RAP1GAP2: variants seen among roughly 807,000 people sequenced by gnomAD.
The protein encoded by RAP1GAP2 is RAP1 GTPase activating protein 2.
In RAP1GAP2, 27 loss-of-function variants were observed where a neutral mutation model predicts 95.0. The observed-to-expected ratio is 0.28, with a 90% CI of 0.21 to 0.39. The LOEUF is 0.39. Ranked by LOEUF, RAP1GAP2 falls within the 10% of genes least tolerant of loss-of-function variation. The probability of loss-of-function intolerance (pLI) is 1.00; values close to 1 mark genes in which losing one functional copy is unlikely to be tolerated. For synonymous variants in RAP1GAP2, 373 were observed against 380.9 expected (o/e 0.98, Z 0.24); for missense variants, 771 against 970.0 (o/e 0.79, Z 2.72).
intron 2 of RAP1GAP2, among the ~76,000 whole-genome samples, chr17:2,860,949 G>A (rs1054540146): frequency 3.4e-4 from 51 of 151,894 alleles, no homozygotes; most frequent in Non-Finnish European, 6.5e-4. Flanking sequence ...TCCATAGTCC[G>A]GCCCACACCC....
chr17:3,021,485 A>C (rs1191265752), intron 19 of RAP1GAP2, among the ~76,000 whole-genome samples: 1 of 137,336 alleles, frequency 7.3e-6, no homozygotes, highest in Non-Finnish European at 1.5e-5. Context: ...CCCAGGCTGG[A>C]ATGCAGTGGC....
chr17:2,820,760 G>A (rs868356198), intron 2 of RAP1GAP2, among the ~76,000 whole-genome samples: 3 of 151,768 alleles, frequency 2.0e-5, no homozygotes, highest in South Asian at 2.1e-4. Context: ...ATTTTGAGAC[G>A]GAGTCTCACT....
At chr17:2,921,069 A>C (rs1299589351) in intron 3 of RAP1GAP2, among the ~76,000 whole-genome samples, 1 of 152,120 alleles carries the variant, frequency 6.6e-6, no homozygotes, top group Non-Finnish European at 1.5e-5. Flanking sequence ...CCCCCCCGGC[A>C]GACTCTGCTC....
At chr17:2,843,349 G>A (rs949774436) in intron 2 of RAP1GAP2, among the ~76,000 whole-genome samples, 2 of 151,226 alleles carry the variant, frequency 1.3e-5, no homozygotes, top group African/African-American at 2.4e-5. Context: ...GCAGTGGCGC[G>A]ATCTCGGCTC....
At chr17:2,764,896 T>C (rs959210280) in intron 1 of RAP1GAP2, among the ~76,000 whole-genome samples, 4 of 152,152 alleles carry the variant, frequency 2.6e-5, no homozygotes, top group African/African-American at 9.7e-5. Flanking sequence ...ATCAGTGTTA[T>C]CAGTTTCTCC....
intron 2 of RAP1GAP2, among the ~76,000 whole-genome samples, chr17:2,887,295 G>A (rs1255436529): frequency 1.3e-5 from 2 of 151,696 alleles, no homozygotes; most frequent in African/African-American, 4.8e-5. Context: ...TGGCCTCAAG[G>A]GATCTGCCTG....
At chr17:3,019,680 C>T (rs2046889429) in intron 18 of RAP1GAP2, among the ~76,000 whole-genome samples, 1 of 152,242 alleles carries the variant, frequency 6.6e-6, no homozygotes. Context: ...TAGCTATTAT[C>T]TTGCTTCCCC....
intron 3 of RAP1GAP2, among the ~76,000 whole-genome samples, chr17:2,947,771 T>C (rs2043758599): frequency 6.6e-6 from 1 of 151,956 alleles, no homozygotes; most frequent in Non-Finnish European, 1.5e-5. Flanking sequence ...ACACATCCCA[T>C]CCCGCTCCCA....
chr17:2,820,977 T>C (rs2070278804), intron 2 of RAP1GAP2, among the ~76,000 whole-genome samples: 1 of 151,152 alleles, frequency 6.6e-6, no homozygotes, highest in Non-Finnish European at 1.5e-5. Flanking sequence ...CCTGTTGATC[T>C]GCCTGCCTCG....
intron 3 of RAP1GAP2, among the ~76,000 whole-genome samples, chr17:2,921,696 G>A (rs78542887): frequency 0.02 from 1,137 of 56,980 alleles, 20 homozygotes; most frequent in African/African-American, 0.14. Context: ...TAAGGTGTCC[G>A]CAGGGCCGTT....
intron 1 of RAP1GAP2, among the ~76,000 whole-genome samples, chr17:2,780,408 C>G (rs1381834479): frequency 6.6e-6 from 1 of 152,222 alleles, no homozygotes; most frequent in Non-Finnish European, 1.5e-5. Context: ...GCCACCGCCC[C>G]GTTTGACAGG....
intron 3 of RAP1GAP2, among the ~76,000 whole-genome samples, chr17:2,943,925 G>A (rs192077888): frequency 4.6e-5 from 7 of 152,052 alleles, no homozygotes; most frequent in East Asian, 3.9e-4. Flanking sequence ...CAAGGAGGGC[G>A]GACCATGAGG....
chr17:2,892,591 G>T (rs780176907), intron 2 of RAP1GAP2, among the ~76,000 whole-genome samples: 8 of 152,122 alleles, frequency 5.3e-5, no homozygotes, highest in Non-Finnish European at 1.2e-4. Context: ...GGGATGTTTG[G>T]AGCATCTGGG....
chr17:2,968,360 A>C (rs1262919452), intron 8 of RAP1GAP2, among the ~76,000 whole-genome samples: 1 of 152,214 alleles, frequency 6.6e-6, no homozygotes, highest in African/African-American at 2.4e-5. Flanking sequence ...ACATAATTCA[A>C]AGGAAACACA....
In RAP1GAP2 at chr17:3,004,946, C is replaced by A. The variant is rs1597851882; in HGVS notation, c.1201-423C>A. Reference sequence around the variant, plus strand: ...TGCTCTGTTCCTCTGCGGCTAATCACCTGTGGGACTTGGGGGCTTCTCTGT... The same window carrying A: ...TGCTCTGTTCCTCTGCGGCTAATCAACTGTGGGACTTGGGGGCTTCTCTGT... On this transcript the variant is annotated intron_variant, in intron 14 of 24. Coordinates refer to ENST00000254695, the MANE Select transcript of RAP1GAP2 (RefSeq NM_015085.5). This position sits in a 1 kb window ranked among gnomAD's most constrained non-coding sequence, Gnocchi z 4.1. 6.6e-6 allele frequency among the ~76,000 whole-genome samples: 1 copy of A among 152,114 alleles called. No homozygotes were observed. The highest frequency in any genetic ancestry group is 1.5e-5 in the Non-Finnish European group (1 of 68,022).
chr17:3,014,698 C>A (rs2046696184), intron 17 of RAP1GAP2, among the ~76,000 whole-genome samples: 1 of 152,076 alleles, frequency 6.6e-6, no homozygotes, highest in South Asian at 2.1e-4. Context: ...TATAGGCACA[C>A]ACCACCATGC....
chr17:2,809,279 T>C (rs950505865), intron 2 of RAP1GAP2, among the ~76,000 whole-genome samples: 1 of 152,138 alleles, frequency 6.6e-6, no homozygotes, highest in African/African-American at 2.4e-5. Context: ...GTACCAGGAA[T>C]TGGGGCTCTT....
intron 2 of RAP1GAP2, among the ~76,000 whole-genome samples, chr17:2,878,578 C>T (rs1023424701): frequency 6.6e-6 from 1 of 152,188 alleles, no homozygotes; most frequent in Non-Finnish European, 1.5e-5. Context: ...GTCTAACCAA[C>T]ACCCTTGATT....
chr17:2,862,425 C>T (rs868850207), intron 2 of RAP1GAP2, among the ~76,000 whole-genome samples: 1 of 152,066 alleles, frequency 6.6e-6, no homozygotes, highest in Non-Finnish European at 1.5e-5. Context: ...CAGGCCTGTT[C>T]GGTGAAATCA....
Sources: gnomAD v4.1 joint callset for allele counts (sites outside exome capture counted in the v4.1 genomes callset) on GRCh38, gnomAD v4.1.1 for gene constraint, Gnocchi (gnomAD v3.1) non-coding constraint, MANE v1.5 for transcripts, NCBI Gene and HGNC (gene_info 2026-07-23, HGNC 2026-07-21) for gene names.